VOPP1: variants seen among roughly 807,000 people sequenced by gnomAD.
The protein encoded by VOPP1 is VOPP1 WW domain binding protein.
In VOPP1, 8 loss-of-function variants were observed where a neutral mutation model predicts 23.5. The observed-to-expected ratio is 0.34, with a 90% CI of 0.20 to 0.61. The LOEUF (loss-of-function observed/expected upper bound fraction) is 0.61. VOPP1 is among the 20% of genes least tolerant of loss of function. VOPP1 has a pLI of 0.78. For missense variants in VOPP1, 174 were observed against 238.1 expected, an observed-to-expected ratio of 0.73 and a Z score of 1.77; for synonymous variants, 83 against 97.3, an observed-to-expected ratio of 0.85 and a Z score of 0.86.
chr7:55,494,596 CAT>C (rs1158641705), intron 3 of VOPP1, among the ~76,000 whole-genome samples: 3 of 152,156 alleles, frequency 2.0e-5, no homozygotes, highest in Non-Finnish European at 4.4e-5. Flanking sequence ...TTACTGAAAT[CAT>C]AGTCTGATAA....
intron 4 of VOPP1, among the ~76,000 whole-genome samples, chr7:55,479,817 G>A (rs1792568480): frequency 6.6e-6 from 1 of 152,210 alleles, no homozygotes; most frequent in Admixed American, 6.5e-5. Flanking sequence ...CTTGAGCCTG[G>A]AACCCAGGAA....
rs554787794 is a variant in VOPP1, at chr7:55,539,789, A to C, written c.55-18659T>G. Among the ~76,000 whole-genome samples the C allele has an allele frequency of 3.9e-5, 6 of 152,214 alleles. 1 individual carries two copies. Among genetic ancestry groups the C allele is most frequent in the African/African-American group, 1.4e-4 (6 of 41,538 alleles). On this transcript the variant is annotated intron_variant, in intron 1 of 4. Coordinates refer to ENST00000285279, the MANE Select transcript of VOPP1 (RefSeq NM_030796.5). The stretch of plus-strand genomic sequence containing the variant: ...GGCTCAGTAAGTGGTTGCTGAACCA[A>C]CTATATGGACAGGAACCAGGACTCA...
chr7:55,553,373 T>C (rs1439017516), intron 1 of VOPP1, among the ~76,000 whole-genome samples: 1 of 151,970 alleles, frequency 6.6e-6, no homozygotes, highest in East Asian at 1.9e-4. Context: ...CTTCCCAGAG[T>C]GAGGAAAATA....
intron 3 of VOPP1, among the ~76,000 whole-genome samples, chr7:55,497,146 G>A (rs1305324026): frequency 6.6e-6 from 1 of 152,210 alleles, no homozygotes; most frequent in Non-Finnish European, 1.5e-5. Context: ...TGCTCCGTAT[G>A]CGCCCCAGAG....
chr7:55,472,921 G>C lies in VOPP1; in HGVS notation c.453C>G (p.Cys151Trp). 2 of 1,544,414 alleles carry C rather than the reference G, an allele frequency of 1.3e-6. No homozygotes were observed. The highest frequency in any genetic ancestry group is 8.7e-7 in the Non-Finnish European group (1 of 1,151,424). The change falls in exon 5 of 5, where the codon TGC becomes TGG. Residue 151 changes from cysteine to tryptophan, a missense_variant. By Grantham distance (215) the Cys-to-Trp change is radical. Transcript: ENST00000285279. ...TGTTGCAGTAGGCTGGAGGGGGCGG[G>C]CAGGCCACACTCCCCTGGGGTGAGT... ...PPNSPQGSVACPPPPAYCNTP... is the reference protein window; with the variant it reads ...PPNSPQGSVAWPPPPAYCNTP...
At chr7:55,505,991 T>C (rs145375102) in intron 2 of VOPP1, among the ~76,000 whole-genome samples, 2,077 of 152,280 alleles carry the variant, frequency 0.014, 25 homozygotes, top group Non-Finnish European at 0.023. Context: ...ACCAACCCAA[T>C]AGGACCTTAG....
At chr7:55,485,955 G>T (rs1219835282) in intron 4 of VOPP1, among the ~76,000 whole-genome samples, 2 of 152,252 alleles carry the variant, frequency 1.3e-5, no homozygotes, top group African/African-American at 4.8e-5. Context: ...ACGGGGAGAG[G>T]AATGCAGCCA....
At chr7:55,457,325 C>T (rs1251311581) in intron 4 of VOPP1, among the ~76,000 whole-genome samples, 1 of 152,120 alleles carries the variant, frequency 6.6e-6, no homozygotes, top group Non-Finnish European at 1.5e-5. Flanking sequence ...AAACAGTATT[C>T]CATTGTGTAA....
chr7:55,475,413 C>A (rs930877694), intron 4 of VOPP1, among the ~76,000 whole-genome samples: 1 of 152,048 alleles, frequency 6.6e-6, no homozygotes, highest in African/African-American at 2.4e-5. Flanking sequence ...CACTGCCGGG[C>A]GAAGCAGGTC....
At chr7:55,506,794 A>T (rs1000979683) in intron 2 of VOPP1, among the ~76,000 whole-genome samples, 1 of 151,456 alleles carries the variant, frequency 6.6e-6, no homozygotes, top group Non-Finnish European at 1.5e-5. Flanking sequence ...GTGCGCCGCC[A>T]TGCCTGGCTA....
At chr7:55,535,733 A>G (rs944911127) in intron 1 of VOPP1, among the ~76,000 whole-genome samples, 11 of 152,204 alleles carry the variant, frequency 7.2e-5, no homozygotes, top group African/African-American at 2.4e-4. Context: ...GCTTACAAGG[A>G]ATCTTCCCTT....
At chr7:55,540,923 C>A (rs1368245803) in intron 1 of VOPP1, among the ~76,000 whole-genome samples, 1 of 151,938 alleles carries the variant, frequency 6.6e-6, no homozygotes, top group East Asian at 1.9e-4. Context: ...ACACCAAAAG[C>A]AAAAGTAATG....
intron 1 of VOPP1, among the ~76,000 whole-genome samples, chr7:55,560,115 T>G (rs1376184877): frequency 6.6e-6 from 1 of 152,208 alleles, no homozygotes; most frequent in South Asian, 2.1e-4. Flanking sequence ...ATCATGCCAC[T>G]GCACTCCGGC....
At chr7:55,542,386 A>T (rs4948032) in intron 1 of VOPP1, among the ~76,000 whole-genome samples, 143,398 of 152,254 alleles carry the variant, frequency 0.94, 67,914 homozygotes, top group East Asian at 1. Flanking sequence ...TTCATCCCCA[A>T]CAATTAACTC....
chr7:55,546,267 G>A (rs1797363539), intron 1 of VOPP1, among the ~76,000 whole-genome samples: 1 of 152,178 alleles, frequency 6.6e-6, no homozygotes, highest in African/African-American at 2.4e-5. Context: ...ATGTAGACAG[G>A]ATCTGACCCA....
At chr7:55,446,284 C>T (rs1439532673) in intron 4 of VOPP1, among the ~76,000 whole-genome samples, 6 of 152,146 alleles carry the variant, frequency 3.9e-5, no homozygotes, top group South Asian at 2.1e-4. Flanking sequence ...TGAGCCACCG[C>T]GCCCGGCCGA....
rs865986896 is a variant in VOPP1 at position 55,565,065 on chromosome 7, T to C, written c.54+7206A>G. On this transcript the variant is annotated intron_variant, in intron 1 of 4. Coordinates refer to ENST00000285279, the MANE Select transcript of VOPP1 (RefSeq NM_030796.5). ...CTCTTGTTGACAGTTTTGAAGTATA[T>C]AGCTGTACTTCCTGAAATTTTATAT... is the stretch of plus-strand genomic sequence containing the variant. Among the ~76,000 whole-genome samples the C allele has an allele frequency of 2.2e-4, 34 of 152,342 alleles. No homozygotes were observed. The Middle Eastern group carries it at 0.017, about 76-fold the overall frequency.
chr7:55,454,796 A>G (rs1791325995), intron 4 of VOPP1, among the ~76,000 whole-genome samples: 1 of 152,238 alleles, frequency 6.6e-6, no homozygotes, highest in East Asian at 1.9e-4. Flanking sequence ...GATGGAACAT[A>G]TCTCAAAATA....
chr7:55,534,561 A>G (rs898577971), intron 1 of VOPP1, among the ~76,000 whole-genome samples: 7 of 152,172 alleles, frequency 4.6e-5, no homozygotes, highest in Non-Finnish European at 8.8e-5. Flanking sequence ...AATTTCCCCA[A>G]TTCTGACTCA....
Sources: allele counts gnomAD v4.1 joint callset (sites outside exome capture counted in the v4.1 genomes callset), GRCh38; gene constraint gnomAD v4.1.1; transcripts MANE v1.5; gene names NCBI Gene and HGNC (gene_info 2026-07-23, HGNC 2026-07-21).